The following ODAD2 variants were observed in gnomAD, a reference collection of about 807,000 sequenced individuals.
ODAD2 encodes outer dynein arm docking complex subunit 2.
ODAD2 carries 89 observed loss-of-function variants against 106.8 expected under a neutral mutation model. The ratio of observed to expected loss-of-function variants is 0.83; its 90% CI spans 0.70 to 0.99. The LOEUF (loss-of-function observed/expected upper bound fraction) is 0.99. ODAD2 is among the 50% of genes least tolerant of loss of function. The pLI, the probability that ODAD2 is intolerant of heterozygous loss-of-function variation, is 0.00. For synonymous variants in ODAD2, 404 were observed against 436.2 expected (o/e 0.93, Z 0.92); for missense variants, 1,168 against 1,238.5 (o/e 0.94, Z 0.85).
At chr10:27,936,949 G>T (rs1470693330) in intron 14 of ODAD2, 69 bp from the exon 15 acceptor site, 3 of 1,496,658 alleles carry the variant, frequency 2.0e-6, no homozygotes, top group Admixed American at 4.6e-5. Context: ...TGCTAAAAAG[G>T]CTGCCATTCT....
chr10:27,903,712 G>C (rs1418273472), intron 17 of ODAD2, among the ~76,000 whole-genome samples: 1 of 152,162 alleles, frequency 6.6e-6, no homozygotes, highest in Non-Finnish European at 1.5e-5. Context: ...GCTACAAAGA[G>C]AATAAAATAC....
chr10:27,941,934 G>T (rs1381622775), intron 12 of ODAD2, among the ~76,000 whole-genome samples: 9 of 152,192 alleles, frequency 5.9e-5, no homozygotes, highest in Admixed American at 5.2e-4. Flanking sequence ...CTGGGAGAGA[G>T]ATCCAGTGGG....
intron 16 of ODAD2, among the ~76,000 whole-genome samples, chr10:27,929,467 T>C (rs1293364822): frequency 6.6e-6 from 1 of 152,204 alleles, no homozygotes; most frequent in African/African-American, 2.4e-5. Context: ...TCCCTAATGA[T>C]GATTCTTTCA....
At chr10:27,921,045 C>T (rs911520822) in intron 16 of ODAD2, among the ~76,000 whole-genome samples, 4 of 151,958 alleles carry the variant, frequency 2.6e-5, no homozygotes, top group Non-Finnish European at 5.9e-5. Context: ...TACTTTACAA[C>T]GTGTGGAAGG....
At chr10:27,867,725 G>A (rs1292616742) in intron 17 of ODAD2, among the ~76,000 whole-genome samples, 2 of 152,106 alleles carry the variant, frequency 1.3e-5, no homozygotes, top group Non-Finnish European at 2.9e-5. Context: ...TGAGGCAGGC[G>A]GATCACTTGA....
chr10:27,933,393 G>C (rs1358306653), intron 16 of ODAD2, among the ~76,000 whole-genome samples: 1 of 152,168 alleles, frequency 6.6e-6, no homozygotes, highest in Non-Finnish European at 1.5e-5. Context: ...TATTAAAATG[G>C]ATTTTAGCAT....
At chr10:27,952,041 C>T (rs1440526745) in intron 10 of ODAD2, among the ~76,000 whole-genome samples, 1 of 125,560 alleles carries the variant, frequency 8.0e-6, no homozygotes, top group East Asian at 2.3e-4. Flanking sequence ...TGAAACTGTA[C>T]TCCAGCCTGG....
Position 27,995,182 on chromosome 10 carries a change from T to G in ODAD2, c.-38-2A>C. ...TCAGACCTGAGCTTAGCACACGCAC[T>G]ACATCAGAGCAGAAAGAGAAAGAGA... On this transcript the variant is annotated splice_acceptor_variant, in intron 1 of 19. Coordinates refer to ENST00000305242, the MANE Select transcript of ODAD2 (RefSeq NM_018076.5). LOFTEE classifies it low-confidence loss of function (5UTR_SPLICE). The G allele has an allele frequency of 6.2e-7, 1 of 1,607,656 alleles. No individual in the cohort carries two copies. The highest frequency in any genetic ancestry group is 8.5e-7 in the Non-Finnish European group (1 of 1,175,980).
intron 19 of ODAD2, among the ~76,000 whole-genome samples, chr10:27,826,301 ACCAGGCT>A (rs1461646368): frequency 1.3e-5 from 2 of 152,072 alleles, no homozygotes; most frequent in Non-Finnish European, 2.9e-5. Context: ...CTGGCTCTCA[ACCAGGCT>A]TCCGGATCAT....
intron 17 of ODAD2, among the ~76,000 whole-genome samples, chr10:27,874,287 G>A (rs1417107487): frequency 1.3e-5 from 2 of 152,176 alleles, no homozygotes; most frequent in Non-Finnish European, 2.9e-5. Flanking sequence ...ACAGCACACT[G>A]ATGGGTCTTG....
At position 27,944,374 on chromosome 10, in the gene ODAD2, T is replaced by C. The variant is rs747804167; in HGVS notation, c.1591A>G (p.Ile531Val). The C allele has an allele frequency of 1.3e-5, 21 of 1,613,962 alleles. No individual in the cohort carries two copies. The Admixed American group carries it at 1.8e-4, about 14-fold the overall frequency. ...ATTGGTAAGCCCCCAAGGTCAACAA[T>C]ATTCTGTCTGATTTGAGGATTATGA... ...ISHNPQIRQN[I>V]VDLGGLPIMV... The change falls in exon 12 of 20, where the codon ATT (isoleucine) becomes GTT (valine). Residue 531 changes from isoleucine (I) to valine (V), a missense_variant. By Grantham distance (29) the Ile-to-Val change is conservative. Coordinates refer to ENST00000305242, the MANE Select transcript of ODAD2 (RefSeq NM_018076.5).
At chr10:27,853,319 A>T (rs1242333421) in intron 19 of ODAD2, 2 of 274,648 alleles carry the variant, frequency 7.3e-6, no homozygotes, top group Non-Finnish European at 1.4e-5. Context: ...GTGAGCCAAG[A>T]TCGTTGTCAC....
rs777033435 is a variant in ODAD2 at position 27,993,972 on chromosome 10, A to ATGTGTG, written c.224+946_224+947insCACACA. ...CTGAGGCTGGCAAATATATATATAT[A>ATGTGTG]TATGTGTGTGTGTGTGTGTGTGTGT... On this transcript the variant is annotated intron_variant, in intron 2 of 19. Coordinates refer to ENST00000305242, the MANE Select transcript of ODAD2 (RefSeq NM_018076.5). Among the ~76,000 whole-genome samples, 227 of 92,164 alleles carry ATGTGTG rather than the reference A, an allele frequency of 2.5e-3. 2 individuals are homozygous for ATGTGTG. The highest frequency in any genetic ancestry group is 0.016 in the Middle Eastern group (3 of 190). 60.5% of individuals were successfully genotyped at this position (92,164 alleles called of 152,430 possible). A position where few individuals can be genotyped will look rare whatever the true frequency, so the allele number is the denominator to read the frequency against.
chr10:27,936,595 G>T, intron 15 of ODAD2, 131 bp downstream of exon 15: 1 of 1,067,274 alleles, frequency 9.4e-7, no homozygotes, highest in Non-Finnish European at 1.4e-6. Flanking sequence ...CCCTTCATTG[G>T]GCTAACTTCA....
intron 17 of ODAD2, 65 bp from the exon 18 acceptor site, chr10:27,862,687 G>A (rs1357760338): frequency 2.4e-6 from 3 of 1,274,998 alleles, no homozygotes; most frequent in Admixed American, 4.8e-5. Flanking sequence ...TTTTTAAGAG[G>A]CAGAAAGTAA....
In ODAD2 at chr10:27,987,616, T is replaced by C. The variant is rs146689340; in HGVS notation, c.225-73A>G. The C allele has an allele frequency of 0.025, 26,196 of 1,038,194 alleles. 368 individuals carry two copies. Among genetic ancestry groups the C allele is most frequent in the Middle Eastern group, 0.037 (129 of 3,520 alleles). The allele number at this position is 1,038,194 out of a possible 1,614,324, so 64.3% of individuals were successfully genotyped here. On this transcript the variant is annotated intron_variant, in intron 2 of 19. Coordinates refer to ENST00000305242, the MANE Select transcript of ODAD2 (RefSeq NM_018076.5). Reference sequence around the variant, plus strand: ...CAGTAGAAGTTAAATTTAAGACATTTAGACAGATTATTCCTATATCTCATT... The same window carrying C: ...CAGTAGAAGTTAAATTTAAGACATTCAGACAGATTATTCCTATATCTCATT...
At chr10:27,902,289 T>C (rs576949820) in intron 17 of ODAD2, among the ~76,000 whole-genome samples, 1 of 152,260 alleles carries the variant, frequency 6.6e-6, no homozygotes, top group African/African-American at 2.4e-5. Flanking sequence ...CCAGAATCTA[T>C]GGGAAATAGC....
chr10:27,867,230 C>T (rs1840505545), intron 17 of ODAD2, among the ~76,000 whole-genome samples: 1 of 152,058 alleles, frequency 6.6e-6, no homozygotes, highest in African/African-American at 2.4e-5. Flanking sequence ...AGCCAAGAAA[C>T]CCCAAAGGGC....
chr10:27,872,030 G>A (rs1031984001), intron 17 of ODAD2, among the ~76,000 whole-genome samples: 11 of 151,842 alleles, frequency 7.2e-5, no homozygotes, highest in South Asian at 2.1e-4. Flanking sequence ...CTTTTATTTC[G>A]CTGAGCAGTG....
Sources: allele counts gnomAD v4.1 joint callset (sites outside exome capture counted in the v4.1 genomes callset), GRCh38; gene constraint gnomAD v4.1.1; transcripts MANE v1.5; gene names NCBI Gene and HGNC (gene_info 2026-07-23, HGNC 2026-07-21).